Variants in SSH2 observed in about 807,000 individuals in gnomAD.
The protein encoded by SSH2 is protein phosphatase Slingshot homolog 2.
In SSH2, 37 loss-of-function variants were observed where a neutral mutation model predicts 135.2. The observed-to-expected ratio is 0.27, with a 90% confidence interval of 0.21 to 0.36. The LOEUF (loss-of-function observed/expected upper bound fraction) is 0.36, where lower values mean the gene tolerates loss of function less well. Among genes scored for constraint, SSH2 ranks in the 10% least tolerant of loss-of-function variants. The pLI, the probability that SSH2 is intolerant of heterozygous loss-of-function variation, is 1.00. For missense variants in SSH2, 1,408 were observed against 1,765.3 expected (o/e 0.80, Z 3.63); for synonymous variants, 628 against 646.2 (o/e 0.97, Z 0.43).
intron 1 of SSH2, among the ~76,000 whole-genome samples, chr17:29,924,794 T>C (rs1225562605): frequency 2.0e-5 from 3 of 152,192 alleles, no homozygotes; most frequent in Non-Finnish European, 4.4e-5. Context: ...ATAAGATTTA[T>C]GTATAAAGTA....
At chr17:29,646,726 C>T (rs1298514020) in intron 14 of SSH2, among the ~76,000 whole-genome samples, 1 of 151,518 alleles carries the variant, frequency 6.6e-6, no homozygotes, top group Non-Finnish European at 1.5e-5. Context: ...TCTCAAACTC[C>T]CGACCTTGTG....
intron 1 of SSH2, among the ~76,000 whole-genome samples, chr17:29,923,325 T>C (rs1342957464): frequency 6.6e-6 from 1 of 151,824 alleles, no homozygotes; most frequent in Non-Finnish European, 1.5e-5. Flanking sequence ...TAATTTATAA[T>C]AGAAAAAAAA....
At chr17:29,887,083 C>A (rs139593486) in intron 1 of SSH2, among the ~76,000 whole-genome samples, 1 of 152,096 alleles carries the variant, frequency 6.6e-6, no homozygotes, top group Non-Finnish European at 1.5e-5. Flanking sequence ...GCTCTCCTAT[C>A]GAGCCAATGT....
intron 14 of SSH2, among the ~76,000 whole-genome samples, chr17:29,644,179 G>A (rs1013228335): frequency 1.3e-5 from 2 of 152,176 alleles, no homozygotes; most frequent in Non-Finnish European, 2.9e-5. Context: ...GTTTGCTGCT[G>A]CGGAGGCAGC....
intron 1 of SSH2, among the ~76,000 whole-genome samples, chr17:29,890,842 GC>G (rs2066334719): frequency 6.6e-6 from 1 of 152,196 alleles, no homozygotes; most frequent in Admixed American, 6.5e-5. Context: ...TGCAACCTCT[GC>G]CTCCTGTGTT....
intron 11 of SSH2, among the ~76,000 whole-genome samples, chr17:29,659,548 G>A (rs1314793356): frequency 1.3e-5 from 2 of 152,088 alleles, no homozygotes; most frequent in Non-Finnish European, 2.9e-5. Flanking sequence ...TTTTTGAGAC[G>A]AGACTTGCTC....
chr17:29,882,602 A>C (rs1035729358), intron 1 of SSH2, among the ~76,000 whole-genome samples: 2 of 57,974 alleles, frequency 3.4e-5, no homozygotes, highest in African/African-American at 7.1e-5. Context: ...AACTGCAAAA[A>C]TTAGCTGGGC....
intron 3 of SSH2, among the ~76,000 whole-genome samples, chr17:29,752,529 TG>T (rs1191836645): frequency 4.6e-5 from 7 of 152,210 alleles, no homozygotes; most frequent in African/African-American, 1.7e-4. Context: ...AAATTCCAGA[TG>T]TTTTAAAGAG....
chr17:29,716,900 A>T (rs774481243), intron 3 of SSH2, among the ~76,000 whole-genome samples: 1 of 151,996 alleles, frequency 6.6e-6, no homozygotes, highest in Non-Finnish European at 1.5e-5. Context: ...AAAGACAAAG[A>T]CCCCTTTAGC....
At chr17:29,753,322 G>GT (rs1355403096) in intron 3 of SSH2, among the ~76,000 whole-genome samples, 1 of 151,552 alleles carries the variant, frequency 6.6e-6, no homozygotes, top group African/African-American at 2.4e-5. Flanking sequence ...TAGAGATGGG[G>GT]TTTCACCATG....
intron 1 of SSH2, among the ~76,000 whole-genome samples, chr17:29,909,862 T>A (rs2066733685): frequency 6.6e-6 from 1 of 152,220 alleles, no homozygotes; most frequent in Non-Finnish European, 1.5e-5. Flanking sequence ...AAGTACGACT[T>A]TATTTTCAGT....
chr17:29,749,315 G>A (rs1340199098), intron 3 of SSH2, among the ~76,000 whole-genome samples: 1 of 152,234 alleles, frequency 6.6e-6, no homozygotes, highest in Non-Finnish European at 1.5e-5. Context: ...TCATCATTAG[G>A]CAAGTTTATC....
At chr17:29,906,757 T>C (rs921677166) in intron 1 of SSH2, among the ~76,000 whole-genome samples, 1 of 151,902 alleles carries the variant, frequency 6.6e-6, no homozygotes, top group African/African-American at 2.4e-5. Context: ...AATAAACATA[T>C]GAAAAAAAGC....
At chr17:29,779,101 C>CGGAA (rs1315273190) in intron 3 of SSH2, among the ~76,000 whole-genome samples, 1 of 150,194 alleles carries the variant, frequency 6.7e-6, no homozygotes, top group Non-Finnish European at 1.5e-5. Flanking sequence ...TTTTTTCTAA[C>CGGAA]GGAAGGAAGG....
At chr17:29,645,097 C>T (rs1444326384) in intron 14 of SSH2, 2 of 152,174 alleles carry the variant, frequency 1.3e-5, no homozygotes, top group African/African-American at 4.8e-5. Flanking sequence ...TTCTGGGTAG[C>T]CTTGGAGGAA....
At chr17:29,850,346 C>G (rs531215637) in intron 1 of SSH2, among the ~76,000 whole-genome samples, 1 of 152,200 alleles carries the variant, frequency 6.6e-6, no homozygotes, top group Non-Finnish European at 1.5e-5. Context: ...ATCATTGATG[C>G]ATAAGCTTAC....
chr17:29,785,406 T>C (rs2041936296), intron 3 of SSH2, among the ~76,000 whole-genome samples: 1 of 152,016 alleles, frequency 6.6e-6, no homozygotes, highest in South Asian at 2.1e-4. Flanking sequence ...ATCTTGTTCA[T>C]TTTTATTTAT....
chr17:29,632,527 G>A lies in SSH2; in HGVS notation c.2667C>T (p.Tyr889=). 1 of 1,614,144 alleles carries A rather than the reference G, an allele frequency of 6.2e-7. No homozygotes were observed. The highest frequency in any genetic ancestry group is 8.5e-7 in the Non-Finnish European group (1 of 1,180,016). Residue 889 remains tyrosine, a synonymous_variant, in exon 16 of 16, where the codon TAC becomes TAT. Transcript: ENST00000540801. ...GSGMHPGAKW[Y]PGSVRRATLE... ...AGGTGGCTCGCCTCACAGACCCAGG[G>A]TACCACTTGGCACCTGGGTGCATCC... is the stretch of plus-strand genomic sequence containing the variant.
chr17:29,774,805 G>A (rs1476015912), intron 3 of SSH2, among the ~76,000 whole-genome samples: 1 of 152,186 alleles, frequency 6.6e-6, no homozygotes, highest in Non-Finnish European at 1.5e-5. Context: ...AAAACTGTAA[G>A]GTGCAGGATG....
Sources: allele counts gnomAD v4.1 joint callset (sites outside exome capture counted in the v4.1 genomes callset), GRCh38; gene constraint gnomAD v4.1.1; transcripts MANE v1.5; gene names NCBI Gene and HGNC (gene_info 2026-07-23, HGNC 2026-07-21).